Variants in STPG2 observed in about 807,000 individuals in gnomAD.
STPG2 encodes the protein sperm-tail PG-rich repeat-containing protein 2.
In STPG2, 56 loss-of-function variants were observed where a neutral mutation model predicts 54.2. The observed-to-expected ratio is 1.03, with a 90% CI of 0.83 to 1.29. STPG2 has a LOEUF of 1.29. STPG2 is among the 50% of genes most tolerant of loss of function. The pLI, the probability that STPG2 is intolerant of heterozygous loss-of-function variation, is 0.00. For synonymous variants in STPG2, 200 were observed against 181.8 expected, an observed-to-expected ratio of 1.10 and a Z score of -0.81; for missense variants, 596 against 544.9, an observed-to-expected ratio of 1.09 and a Z score of -0.93.
At chr4:97,499,226 T>G (rs572560115) in intron 4 of STPG2, among the ~76,000 whole-genome samples, 1 of 152,056 alleles carries the variant, frequency 6.6e-6, no homozygotes, top group East Asian at 1.9e-4. Context: ...TGTCAGACTT[T>G]TAGATGGGAT....
intron 8 of STPG2, among the ~76,000 whole-genome samples, chr4:97,905,408 A>G (rs1731366776): frequency 6.6e-6 from 1 of 152,150 alleles, no homozygotes; most frequent in Admixed American, 6.5e-5. Flanking sequence ...GCAAATGCTG[A>G]GAGATTTTGT....
intron 4 of STPG2, among the ~76,000 whole-genome samples, chr4:97,468,920 C>G (rs182954800): frequency 3.9e-5 from 6 of 152,152 alleles, no homozygotes; most frequent in African/African-American, 1.4e-4. Flanking sequence ...AGCTCTCCCC[C>G]CTTGATTATC....
At chr4:98,020,832 G>A (rs1370746329) in intron 5 of STPG2, among the ~76,000 whole-genome samples, 5 of 152,070 alleles carry the variant, frequency 3.3e-5, no homozygotes, top group African/African-American at 1.2e-4. Context: ...TTCTCTGATG[G>A]TAGTTTGTAT....
At chr4:97,739,165 C>A (rs537335081) in intron 9 of STPG2, among the ~76,000 whole-genome samples, 1 of 151,894 alleles carries the variant, frequency 6.6e-6, no homozygotes, top group Admixed American at 6.6e-5. Context: ...TTGAAACCAA[C>A]GAGAACAAAG....
intron 8 of STPG2, among the ~76,000 whole-genome samples, chr4:97,860,315 A>C (rs1729478023): frequency 1.3e-5 from 2 of 151,952 alleles, no homozygotes; most frequent in Non-Finnish European, 2.9e-5. Flanking sequence ...GATTGCTTTG[A>C]GAAGTATGGT....
intron 8 of STPG2, among the ~76,000 whole-genome samples, chr4:97,927,364 G>T (rs2149215623): frequency 6.6e-6 from 1 of 151,922 alleles, no homozygotes; most frequent in Non-Finnish European, 1.5e-5. Context: ...GCCAATGATT[G>T]CCCTTTCTGA....
chr4:97,759,135 G>C (rs1483670986), intron 9 of STPG2, among the ~76,000 whole-genome samples: 1 of 152,038 alleles, frequency 6.6e-6, no homozygotes, highest in Non-Finnish European at 1.5e-5. Flanking sequence ...GTTTTATAGA[G>C]GCAGGCAAAC....
chr4:98,115,869 A>G (rs770577760), intron 3 of STPG2, among the ~76,000 whole-genome samples: 1 of 151,982 alleles, frequency 6.6e-6, no homozygotes, highest in Non-Finnish European at 1.5e-5. Flanking sequence ...CTCAAATACA[A>G]GATGAGGATT....
chr4:97,464,899 T>A (rs1290365142), intron 4 of STPG2, among the ~76,000 whole-genome samples: 1 of 152,200 alleles, frequency 6.6e-6, no homozygotes, highest in East Asian at 1.9e-4. Flanking sequence ...AAAAAAGTCA[T>A]GATTTTTTTC....
At chr4:97,762,740 C>A (rs1725925125) in intron 9 of STPG2, among the ~76,000 whole-genome samples, 1 of 152,068 alleles carries the variant, frequency 6.6e-6, no homozygotes, top group Non-Finnish European at 1.5e-5. Flanking sequence ...ATAAGTCATT[C>A]AAGAATGCTT....
At chr4:98,031,552 G>A (rs548304187) in intron 5 of STPG2, among the ~76,000 whole-genome samples, 2 of 151,902 alleles carry the variant, frequency 1.3e-5, no homozygotes, top group Non-Finnish European at 2.9e-5. Flanking sequence ...GTGGCCTGTA[G>A]TCCCAGCCTA....
intron 8 of STPG2, among the ~76,000 whole-genome samples, chr4:97,903,648 C>A (rs1050086803): frequency 6.6e-6 from 1 of 152,196 alleles, no homozygotes; most frequent in Non-Finnish European, 1.5e-5. Context: ...GCGTGAGCAA[C>A]GCAGAAGACT....
At chr4:97,997,519 A>T (rs1280955522) in intron 5 of STPG2, among the ~76,000 whole-genome samples, 2 of 152,162 alleles carry the variant, frequency 1.3e-5, no homozygotes, top group Non-Finnish European at 2.9e-5. Flanking sequence ...ATTCACGAGA[A>T]ATCCTTCCTT....
At chr4:97,512,162 A>G (rs1202653983) in intron 4 of STPG2, among the ~76,000 whole-genome samples, 1 of 152,136 alleles carries the variant, frequency 6.6e-6, no homozygotes, top group Non-Finnish European at 1.5e-5. Context: ...GTGTAAAACC[A>G]CAGGTAGTGA....
At chr4:97,695,867 G>A (rs1286890729) in intron 10 of STPG2, among the ~76,000 whole-genome samples, 6 of 151,854 alleles carry the variant, frequency 4.0e-5, no homozygotes, top group Non-Finnish European at 8.8e-5. Flanking sequence ...CATCACAAAT[G>A]GAAACACATT....
chr4:97,458,886 C>A (rs1729590110), intron 4 of STPG2, among the ~76,000 whole-genome samples: 1 of 152,042 alleles, frequency 6.6e-6, no homozygotes, highest in Non-Finnish European at 1.5e-5. Context: ...AACATGATAA[C>A]TAAATTCAAT....
chr4:97,480,176 C>A (rs1730182975), intron 4 of STPG2, among the ~76,000 whole-genome samples: 1 of 151,616 alleles, frequency 6.6e-6, no homozygotes, highest in Non-Finnish European at 1.5e-5. Flanking sequence ...AAAGTTAATA[C>A]ATTTGACAAT....
At chr4:98,036,389 A>G (rs1340342974) in intron 5 of STPG2, among the ~76,000 whole-genome samples, 2 of 152,186 alleles carry the variant, frequency 1.3e-5, no homozygotes, top group African/African-American at 4.8e-5. Context: ...CACAATAGCA[A>G]GGACGTGGAA....
intron 5 of STPG2, among the ~76,000 whole-genome samples, chr4:98,014,789 G>A (rs1735879136): frequency 6.6e-6 from 1 of 151,986 alleles, no homozygotes; most frequent in Admixed American, 6.6e-5. Context: ...TTGTAAGTCA[G>A]GTATAGTGGT....
Sources: gnomAD v4.1 joint callset for allele counts (sites outside exome capture counted in the v4.1 genomes callset) on GRCh38, gnomAD v4.1.1 for gene constraint, MANE v1.5 for transcripts, NCBI Gene and HGNC (gene_info 2026-07-23, HGNC 2026-07-21) for gene names.